The following XPO1 variants were observed in gnomAD, a reference collection of about 807,000 sequenced individuals.
XPO1 encodes the protein exportin-1.
A neutral mutation model predicts 133.3 loss-of-function variants in XPO1; 5 were observed. The observed-to-expected ratio is 0.04, with a 90% CI of 0.02 to 0.08. The LOEUF (loss-of-function observed/expected upper bound fraction) is 0.08. Ranked by LOEUF, XPO1 falls within the 10% of genes least tolerant of loss-of-function variation. The probability of loss-of-function intolerance (pLI) is 1.00; values close to 1 mark genes in which losing one functional copy is unlikely to be tolerated. For synonymous variants in XPO1, 419 were observed against 408.2 expected (o/e 1.03, Z -0.32); for missense variants, 506 against 1,267.5 (o/e 0.40, Z 9.12).
In XPO1 at chr2:61,495,588, C is replaced by T. The variant is rs1198868283; in HGVS notation, c.914G>A (p.Arg305Gln). Reference protein sequence around the residue: ...KQMLPLNTNIRLAYSNGKDDE... With the variant: ...KQMLPLNTNIQLAYSNGKDDE... ...ATCTTTTCCATTTGAGTACGCAAGT[C>T]GAATATTGGTATTTAAAGGAAGCAT... is the stretch of plus-strand genomic sequence containing the variant. Residue 305 changes from arginine to glutamine, a missense_variant, in exon 11 of 25, where the codon CGA (arginine) becomes CAA (glutamine). By Grantham distance (43) the Arg-to-Gln change is conservative. Around this residue, in one of 6 missense-constraint regions of XPO1, gnomAD observed 134 missense variants for 261.6 expected, o/e 0.51. Transcript: ENST00000401558. 6.3e-7 allele frequency: 1 copy of T among 1,576,888 alleles called. No homozygotes were observed. The highest frequency in any genetic ancestry group is 8.6e-7 in the Non-Finnish European group (1 of 1,159,476).
intron 7 of XPO1, among the ~76,000 whole-genome samples, chr2:61,499,226 T>C (rs567009788): frequency 3.3e-5 from 5 of 152,262 alleles, no homozygotes; most frequent in African/African-American, 9.6e-5. Context: ...TTGTTAACAA[T>C]TGGGGAACTG....
chr2:61,493,692 T>G, intron 12 of XPO1: 1 of 556,870 alleles, frequency 1.8e-6, no homozygotes, highest in Non-Finnish European at 3.1e-6. Context: ...CAACCAATGT[T>G]GATACTGAGA....
At chr2:61,520,817 G>A (rs1056616742) in intron 4 of XPO1, among the ~76,000 whole-genome samples, 1 of 152,128 alleles carries the variant, frequency 6.6e-6, no homozygotes, top group African/African-American at 2.4e-5. Flanking sequence ...ACAAAAGGAG[G>A]ATTTAAAATT....
intron 2 of XPO1, among the ~76,000 whole-genome samples, chr2:61,533,211 G>GT (rs576039763): frequency 4.3e-4 from 65 of 152,014 alleles, no homozygotes; most frequent in Non-Finnish European, 3.4e-4. Context: ...AAAAAATCAA[G>GT]TTTTTTTTCT....
At chr2:61,483,250 G>A in intron 21 of XPO1, 159 bp from the exon 22 acceptor site, 2 of 679,636 alleles carry the variant, frequency 2.9e-6, no homozygotes, top group Non-Finnish European at 2.4e-6. Flanking sequence ...AATTAATAAT[G>A]GAATACAACT....
chr2:61,495,946 G>C (rs935035437), intron 10 of XPO1, among the ~76,000 whole-genome samples: 18 of 152,104 alleles, frequency 1.2e-4, no homozygotes, highest in African/African-American at 3.6e-4. Flanking sequence ...TGGGATTAAA[G>C]GTCTGAGCTA....
At chr2:61,482,232 C>T (rs558935882) in intron 23 of XPO1, 148 bp downstream of exon 23, 7 of 309,928 alleles carry the variant, frequency 2.3e-5, no homozygotes, top group East Asian at 1.5e-4. Flanking sequence ...TTTGTAGAGA[C>T]GGGATCTTGT....
chr2:61,501,918 A>G, intron 6 of XPO1, 78 bp downstream of exon 6: 1 of 1,245,652 alleles, frequency 8.0e-7, no homozygotes. Flanking sequence ...AGTATACTTT[A>G]TTTCCTAAGT....
chr2:61,479,868 T>C (rs1439691149), intron 24 of XPO1, among the ~76,000 whole-genome samples: 2 of 151,850 alleles, frequency 1.3e-5, no homozygotes, highest in East Asian at 3.9e-4. Context: ...CAGACACTTT[T>C]TTCTCTTTTC....
chr2:61,490,732 T>C lies in XPO1; in HGVS notation c.1932A>G (p.Gln644=). ...AGTGTTCTTGTACTGTTTGATCTGT[T>C]TGTGCACCAATCATGTACCCCACAG... ...YEAVGYMIGA[Q]TDQTVQEHLI... is the part of the protein sequence containing the mutation. Residue 644 remains glutamine (Q), a synonymous_variant, in exon 17 of 25, where the codon CAA becomes CAG. Transcript: ENST00000401558. 1 of 1,614,224 alleles carries C rather than the reference T, an allele frequency of 6.2e-7. No homozygotes were observed. The highest frequency in any genetic ancestry group is 8.5e-7 in the Non-Finnish European group (1 of 1,180,036).
chr2:61,506,238 T>C (rs983621218), intron 4 of XPO1, among the ~76,000 whole-genome samples: 9 of 152,060 alleles, frequency 5.9e-5, no homozygotes, highest in Non-Finnish European at 1.2e-4. Context: ...CTGGCCAACA[T>C]GGTGAAACCC....
At chr2:61,524,851 GA>G (rs1218098862) in intron 3 of XPO1, among the ~76,000 whole-genome samples, 2 of 152,160 alleles carry the variant, frequency 1.3e-5, no homozygotes, top group African/African-American at 2.4e-5. Context: ...CCAGGAGTTT[GA>G]GGTTACAGTG....
chr2:61,511,342 A>G (rs1573179996), intron 4 of XPO1, among the ~76,000 whole-genome samples: 1 of 151,944 alleles, frequency 6.6e-6, no homozygotes, highest in Admixed American at 6.6e-5. Context: ...GGTCAGGCTG[A>G]TCTCGAACTC....
chr2:61,489,656 G>A lies in XPO1; in HGVS notation c.2023-885C>T, dbSNP rs1324500450. Among the ~76,000 whole-genome samples the A allele has an allele frequency of 4.6e-5, 7 of 151,066 alleles. No homozygotes were observed. In the South Asian group the frequency reaches 6.3e-4, roughly 14 times the overall value. ...TGCAAGCTCTGCCTCCCAGGTTCAC[G>A]CCATTCTCCTGCCTCAGCCTCCTGA... On this transcript the variant is annotated intron_variant, in intron 17 of 24. Transcript: ENST00000401558.
At chr2:61,503,713 T>TGCGCCCAGC (rs1697659071) in intron 4 of XPO1, among the ~76,000 whole-genome samples, 1 of 149,886 alleles carries the variant, frequency 6.7e-6, no homozygotes, top group Non-Finnish European at 1.5e-5. Context: ...CGTGAGCCAC[T>TGCGCCCAGC]GCGCCCAGCA....
chr2:61,523,807 T>G (rs1698798137), intron 3 of XPO1, among the ~76,000 whole-genome samples: 1 of 152,160 alleles, frequency 6.6e-6, no homozygotes, highest in Non-Finnish European at 1.5e-5. Context: ...ACAGTGAATG[T>G]TTTTGCTGTT....
intron 2 of XPO1, among the ~76,000 whole-genome samples, chr2:61,527,895 C>A (rs1044770880): frequency 6.6e-6 from 1 of 151,562 alleles, no homozygotes; most frequent in Non-Finnish European, 1.5e-5. Flanking sequence ...GTGCCTTTCC[C>A]TAGTGCCATT....
At chr2:61,481,327 C>T (rs367680001) in intron 23 of XPO1, 46 bp from the exon 24 acceptor site, 109 of 1,476,102 alleles carry the variant, frequency 7.4e-5, no homozygotes, top group Non-Finnish European at 9.2e-5. Flanking sequence ...ATTTTTCCCC[C>T]GAGACAGAGT....
chr2:61,500,578 C>CAAAAA (rs56213841), intron 6 of XPO1, among the ~76,000 whole-genome samples: 5,362 of 40,222 alleles, frequency 0.13, 731 homozygotes, highest in East Asian at 0.32. Context: ...GACTCCATCT[C>CAAAAA]AAAAAAAAAA....
Sources: allele counts gnomAD v4.1 joint callset (sites outside exome capture counted in the v4.1 genomes callset), GRCh38; gene constraint gnomAD v4.1.1; regional missense constraint gnomAD v4.1.1; transcripts MANE v1.5; gene names NCBI Gene and HGNC (gene_info 2026-07-23, HGNC 2026-07-21).